COL5A2: variants seen among roughly 807,000 people sequenced by gnomAD.
COL5A2 encodes the protein collagen alpha-2(V) chain.
A neutral mutation model predicts 208.2 loss-of-function variants in COL5A2; 23 were observed. The ratio of observed to expected loss-of-function variants is 0.11; its 90% CI spans 0.08 to 0.16. The LOEUF (loss-of-function observed/expected upper bound fraction) is 0.16, where lower values mean the gene tolerates loss of function less well. Among genes scored for constraint, COL5A2 ranks in the 10% least tolerant of loss-of-function variants. The pLI, the probability that COL5A2 is intolerant of heterozygous loss-of-function variation, is 1.00. For synonymous variants in COL5A2, 625 were observed against 628.5 expected, an observed-to-expected ratio of 0.99 and a Z score of 0.08; for missense variants, 1,590 against 1,956.4, an observed-to-expected ratio of 0.81 and a Z score of 3.53.
rs190265099 is a variant in COL5A2 at position 189,127,976 on chromosome 2, C to T, written c.98-17527G>A. On this transcript the variant is annotated intron_variant, in intron 1 of 53. Coordinates refer to ENST00000374866, the MANE Select transcript of COL5A2 (RefSeq NM_000393.5). Reference sequence around the variant, plus strand: ...TAAATAAGGTCATAAAACAGAAGTGCACTCAGATTTCAAGAACAGAAATGG... The same window carrying T: ...TAAATAAGGTCATAAAACAGAAGTGTACTCAGATTTCAAGAACAGAAATGG... Among the ~76,000 whole-genome samples the T allele has an allele frequency of 2.1e-3, 324 of 152,126 alleles. 1 individual carries two copies. The highest frequency in any genetic ancestry group is 6.5e-3 in the African/African-American group (272 of 41,556).
chr2:189,071,850 T>C (rs1208480686), intron 18 of COL5A2, among the ~76,000 whole-genome samples, 190 bp downstream of exon 18: 1 of 152,188 alleles, frequency 6.6e-6, no homozygotes, highest in Non-Finnish European at 1.5e-5. Flanking sequence ...CCTTTAATTA[T>C]ATTTATACAG....
chr2:189,078,476 T>G, intron 16 of COL5A2, 40 bp downstream of exon 16: 1 of 1,489,690 alleles, frequency 6.7e-7, no homozygotes, highest in Non-Finnish European at 9.4e-7. Context: ...TGAATTGAAA[T>G]ACACATCTCA....
chr2:189,390,137 T>C, the COL5A2 span, among the ~76,000 whole-genome samples: 1 of 151,498 alleles, frequency 6.6e-6, no homozygotes, highest in African/African-American at 2.4e-5. Context: ...ATGATCAAAA[T>C]AGAGCAGAAG....
chr2:189,035,216 A>G (rs1358912335), intron 52 of COL5A2, 61 bp from the exon 53 acceptor site: 3 of 1,591,914 alleles, frequency 1.9e-6, no homozygotes, highest in Non-Finnish European at 1.7e-6. Context: ...TGCCTTACAC[A>G]TGTATAGATA....
intron 1 of COL5A2, among the ~76,000 whole-genome samples, chr2:189,153,853 C>T (rs1251014161): frequency 2.0e-5 from 3 of 152,068 alleles, no homozygotes; most frequent in Non-Finnish European, 4.4e-5. Flanking sequence ...AGCATTTGAA[C>T]ATCTGGAAAT....
At chr2:189,165,677 A>T (rs548685619) in intron 1 of COL5A2, among the ~76,000 whole-genome samples, 5 of 152,232 alleles carry the variant, frequency 3.3e-5, no homozygotes, top group Non-Finnish European at 5.9e-5. Flanking sequence ...TCACAAGGTT[A>T]GCAAACGGCA....
intron 37 of COL5A2, 74 bp downstream of exon 37, chr2:189,053,821 A>G: frequency 8.0e-7 from 1 of 1,253,768 alleles, no homozygotes; most frequent in Non-Finnish European, 1.1e-6. Flanking sequence ...GTTTTATATA[A>G]ATATAAAAAC....
Position 189,045,655 on chromosome 2 carries a change from A to T in COL5A2, c.3309+145T>A, listed in dbSNP as rs1685650495. On this transcript the variant is annotated intron_variant, in intron 46 of 53. Transcript: ENST00000374866. ...CCTTTCAGACTAAGAAACATATAGT[A>T]GTTCATAATTAGCTGTTTACCATTC... 8.2e-6 allele frequency: 6 copies of T among 728,622 alleles called. No individual in the cohort carries two copies. In the East Asian group the frequency reaches 1.3e-4, roughly 16 times the overall value. The allele number at this position is 728,622 out of a possible 1,614,324, so 45.1% of individuals were successfully genotyped here.
At position 189,051,425 on chromosome 2, in the gene COL5A2, A is replaced by T; in HGVS notation, c.2826T>A (p.Gly942=). Residue 942 remains glycine, a synonymous_variant, in exon 42 of 54, where the codon GGT becomes GGA. Transcript: ENST00000374866. ...LGEPGKEGPP[G]LRGDPGSHGR... is the part of the protein sequence containing the mutation. ...CATGAGAGCCAGGGTCCCCACGAAG[A>T]CCTGGAGGTCCCTCCTTCCCGGGTT... The T allele has an allele frequency of 6.2e-7, 1 of 1,613,614 alleles. No individual in the cohort carries two copies. Among genetic ancestry groups the T allele is most frequent in the Non-Finnish European group, 8.5e-7 (1 of 1,179,702 alleles).
In COL5A2 at chr2:189,171,669, A is replaced by G. The variant is rs530785410; in HGVS notation, c.97+7839T>C. ...GAAGCCAATAAATTAAGTTTTGGAT[A>G]CACTGAATTTCATGTGGTTCTAGGC... On this transcript the variant is annotated intron_variant, in intron 1 of 53. Transcript: ENST00000374866. Among the ~76,000 whole-genome samples the G allele has an allele frequency of 4.6e-5, 7 of 152,350 alleles. No homozygotes were observed. In the South Asian group the frequency reaches 1.0e-3, roughly 23 times the overall value.
At chr2:189,234,362 C>T in the COL5A2 span, among the ~76,000 whole-genome samples, 44 of 151,834 alleles carry the variant, frequency 2.9e-4, no homozygotes, top group Admixed American at 2.8e-3. Context: ...TTTACATAAA[C>T]TCAAAGCCCA....
chr2:189,315,875 C>A, the COL5A2 span, among the ~76,000 whole-genome samples: 1 of 152,100 alleles, frequency 6.6e-6, no homozygotes, highest in African/African-American at 2.4e-5. Flanking sequence ...TATCACTGAT[C>A]ACTAAACGAA....
At chr2:189,425,889 A>G in the COL5A2 span, among the ~76,000 whole-genome samples, 2 of 152,128 alleles carry the variant, frequency 1.3e-5, no homozygotes, top group Non-Finnish European at 2.9e-5. Context: ...ACATTTCCTG[A>G]GGCCTCCCCA....
intron 51 of COL5A2, among the ~76,000 whole-genome samples, chr2:189,037,299 T>C (rs1215606084): frequency 6.6e-6 from 1 of 152,198 alleles, no homozygotes; most frequent in Non-Finnish European, 1.5e-5. Context: ...TTCTCATATA[T>C]AAGAGACTCT....
chr2:189,353,026 C>T, the COL5A2 span, among the ~76,000 whole-genome samples: 87 of 152,274 alleles, frequency 5.7e-4, 1 homozygote, highest in Middle Eastern at 6.8e-3. Context: ...GTTTTCCCAA[C>T]GCCATTTATT....
In COL5A2 at chr2:189,066,259, A is replaced by G; in HGVS notation, c.1563+131T>C. 4 of 874,990 alleles carry G rather than the reference A, an allele frequency of 4.6e-6. No individual in the cohort carries two copies. The South Asian group carries it at 5.3e-5, about 12-fold the overall frequency. 54.2% of individuals were successfully genotyped at this position (874,990 alleles called of 1,614,324 possible). A position where few individuals can be genotyped will look rare whatever the true frequency, so the allele number is the denominator to read the frequency against. ...GTCAGTTGGCTCTTTCTATTTGCAC[A>G]TAACTGTACTGAACTGTGCAGGGAA... On this transcript the variant is annotated intron_variant, in intron 23 of 53. Transcript: ENST00000374866.
chr2:189,060,857 T>A, intron 30 of COL5A2, 74 bp from the exon 31 acceptor site: 2 of 1,070,340 alleles, frequency 1.9e-6, no homozygotes, highest in Non-Finnish European at 2.9e-6. Context: ...ACAGTTTACC[T>A]TTTACAATTC....
At chr2:189,254,757 A>G in the COL5A2 span, among the ~76,000 whole-genome samples, 1 of 152,328 alleles carries the variant, frequency 6.6e-6, no homozygotes, top group East Asian at 1.9e-4. Flanking sequence ...CTGCATCTGA[A>G]GCAAATGTTG....
At chr2:189,305,384 C>A in the COL5A2 span, among the ~76,000 whole-genome samples, 9 of 152,304 alleles carry the variant, frequency 5.9e-5, no homozygotes, top group East Asian at 1.7e-3. Context: ...TTCATGAGGG[C>A]TTCTCCTTCA....
Sources: gnomAD v4.1 joint callset for allele counts (sites outside exome capture counted in the v4.1 genomes callset) on GRCh38, gnomAD v4.1.1 for gene constraint, MANE v1.5 for transcripts, NCBI Gene and HGNC (gene_info 2026-07-23, HGNC 2026-07-21) for gene names.